FRMPD2: variants seen among roughly 807,000 people sequenced by gnomAD.
FRMPD2 encodes FERM and PDZ domain containing 2.
A neutral mutation model predicts 140.1 loss-of-function variants in FRMPD2; 96 were observed. That is an observed-to-expected ratio of 0.69 (90% CI 0.58 to 0.81). The LOEUF (loss-of-function observed/expected upper bound fraction) is 0.81. Among genes scored for constraint, FRMPD2 ranks in the 40% least tolerant of loss-of-function variants. The pLI is 0.00. For synonymous variants in FRMPD2, 449 were observed against 547.6 expected, an observed-to-expected ratio of 0.82 and a Z score of 2.52; for missense variants, 1,240 against 1,447.4, an observed-to-expected ratio of 0.86 and a Z score of 2.32.
chr10:48,172,637 C>G (rs1322176557), intron 25 of FRMPD2, among the ~76,000 whole-genome samples: 1 of 151,150 alleles, frequency 6.6e-6, no homozygotes, highest in Non-Finnish European at 1.5e-5. Context: ...GTGTATGACC[C>G]TTTCAGTCAA....
chr10:48,253,880 G>T (rs572339197), intron 1 of FRMPD2, among the ~76,000 whole-genome samples: 10 of 152,220 alleles, frequency 6.6e-5, no homozygotes, highest in Admixed American at 5.2e-4. Context: ...TCCAACATCT[G>T]GAAAAGCACA....
chr10:48,229,691 A>C (rs1472212276), intron 10 of FRMPD2, among the ~76,000 whole-genome samples: 1 of 152,178 alleles, frequency 6.6e-6, no homozygotes, highest in Admixed American at 6.5e-5. Context: ...TATTATGTTA[A>C]AATGATATAT....
intron 6 of FRMPD2, 24 bp from the exon 7 acceptor site, chr10:48,239,716 G>A: frequency 1.3e-6 from 2 of 1,580,960 alleles, no homozygotes; most frequent in Non-Finnish European, 1.7e-6. Context: ...ATGGTAGAGG[G>A]TATGGGCAGA....
chr10:48,242,206 G>A lies in FRMPD2; in HGVS notation c.522C>T (p.Leu174=). The change falls in exon 5 of 29, where the codon CTC becomes CTT. Residue 174 remains leucine (L), a synonymous_variant. Coordinates refer to ENST00000374201, the MANE Select transcript of FRMPD2 (RefSeq NM_001018071.4). ...EVSVYPAPAG[L]HIRRLVGLVL... ...CCAAGCCAACCAGCCTTCTGATGTG[G>A]AGACCAGCAGGGGCTGGGTAGACAG... 1.2e-6 allele frequency: 2 copies of A among 1,614,162 alleles called. No individual in the cohort carries two copies. The highest frequency in any genetic ancestry group is 1.7e-6 in the Non-Finnish European group (2 of 1,179,980).
Position 48,184,790 on chromosome 10 carries a change from T to C in FRMPD2, c.2451A>G (p.Ala817=), listed in dbSNP as rs1838639069. 1.2e-6 allele frequency: 2 copies of C among 1,613,420 alleles called. No individual in the cohort carries two copies. Among genetic ancestry groups the C allele is most frequent in the Admixed American group, 3.3e-5 (2 of 59,968 alleles). The part of the protein sequence containing the change: ...SIIPGGPAEK[A]KTIKPGGQIL... ...AAGATGTACCTGGTTTGATCGTTTT[T>C]GCTTTTTCTGCTGGTCCTCCAGGTA... Residue 817 remains alanine (A), a synonymous_variant, in exon 19 of 29, where the codon GCA becomes GCG. Transcript: ENST00000374201.
rs149962060 is a variant in FRMPD2 at position 48,238,087 on chromosome 10, C to T, written c.825G>A (p.Ala275=). The stretch of plus-strand genomic sequence containing the variant: ...CAGATCCAGAGCTGAGCCTCCGGCC[C>T]GCCTGCTGGTCCTGGGGATCTGCTC... ...LPGADPQDQQ[A]GRRLSSGSVH... is the part of the protein sequence containing the mutation. The change falls in exon 8 of 29, where the codon GCG becomes GCA. Residue 275 remains alanine, a synonymous_variant. Coordinates refer to ENST00000374201, the MANE Select transcript of FRMPD2 (RefSeq NM_001018071.4). 36 of 1,613,334 alleles carry T rather than the reference C, an allele frequency of 2.2e-5. No homozygotes were observed. The highest frequency in any genetic ancestry group is 6.7e-5 in the Admixed American group (4 of 60,024).
intron 18 of FRMPD2, among the ~76,000 whole-genome samples, chr10:48,185,274 G>A (rs978808012): frequency 2.0e-5 from 3 of 152,132 alleles, no homozygotes; most frequent in Admixed American, 1.3e-4. Flanking sequence ...CTTCCCCATA[G>A]CTGACTAGAG....
chr10:48,258,174 A>G lies in FRMPD2; in HGVS notation c.26-6483T>C, dbSNP rs1176168243. Among the ~76,000 whole-genome samples the G allele has an allele frequency of 2.6e-5, 4 of 152,348 alleles. No homozygotes were observed. In the South Asian group the frequency reaches 8.3e-4, roughly 32 times the overall value. ...TATTAAAAACCATCTGCCCACAGTC[A>G]GAACCAGAGATCTGAACAAAACTTG... On this transcript the variant is annotated intron_variant, in intron 1 of 28. Coordinates refer to ENST00000374201, the MANE Select transcript of FRMPD2 (RefSeq NM_001018071.4).
At position 48,237,999 on chromosome 10, in the gene FRMPD2, T is replaced by C. The variant is rs1342314116; in HGVS notation, c.913A>G (p.Arg305Gly). 1 of 1,614,192 alleles carries C rather than the reference T, an allele frequency of 6.2e-7. No homozygotes were observed. The highest frequency in any genetic ancestry group is 1.7e-5 in the Admixed American group (1 of 60,028). The change falls in exon 8 of 29, where the codon AGG becomes GGG. Residue 305 changes from arginine (R) to glycine (G), a missense_variant. Transcript: ENST00000374201. Reference protein sequence around the residue: ...TPSQRGFLQRRSKFSRPEFIL... With the variant: ...TPSQRGFLQRGSKFSRPEFIL... ...AGCCTTATTTTGCTTACCTTGCTCC[T>C]TCTTTGCAGAAAACCCCTCTGAGAA... is the stretch of plus-strand genomic sequence containing the variant.
chr10:48,199,288 A>AC (rs1554794323), intron 15 of FRMPD2, among the ~76,000 whole-genome samples: 17 of 151,314 alleles, frequency 1.1e-4, no homozygotes, highest in African/African-American at 3.2e-4. Context: ...AAAAAAAAAA[A>AC]CCCTACTCTA....
intron 1 of FRMPD2, among the ~76,000 whole-genome samples, chr10:48,272,045 T>C (rs1308225327): frequency 6.6e-6 from 1 of 152,246 alleles, no homozygotes; most frequent in Non-Finnish European, 1.5e-5. Flanking sequence ...CTAATGGAGC[T>C]GCAGGTAGCA....
At chr10:48,270,232 C>T (rs1338635344) in intron 1 of FRMPD2, among the ~76,000 whole-genome samples, 1 of 152,150 alleles carries the variant, frequency 6.6e-6, no homozygotes, top group East Asian at 1.9e-4. Flanking sequence ...ATTTTCATCC[C>T]TCAAGTGGGC....
intron 15 of FRMPD2, among the ~76,000 whole-genome samples, chr10:48,195,114 G>C (rs1838921634): frequency 6.6e-6 from 1 of 152,184 alleles, no homozygotes. Flanking sequence ...AGGGCCACAA[G>C]GAAAAGACAC....
intron 20 of FRMPD2, among the ~76,000 whole-genome samples, chr10:48,183,645 G>A (rs888613624): frequency 6.6e-6 from 1 of 151,908 alleles, no homozygotes; most frequent in Non-Finnish European, 1.5e-5. Context: ...GAGTTCAGGA[G>A]TTCCAGACCA....
chr10:48,212,919 G>A (rs977879130), intron 12 of FRMPD2, among the ~76,000 whole-genome samples: 2 of 152,212 alleles, frequency 1.3e-5, no homozygotes, highest in Non-Finnish European at 2.9e-5. Context: ...GCAGGATCAG[G>A]CAGAGGGAGA....
chr10:48,265,086 C>A lies in FRMPD2; in HGVS notation c.25+9457G>T, dbSNP rs539178650. ...ACACCTACAACTATCTGATCTTCAACAAAGCTGACAAAAACAAGCAATGAG... is the reference window on the plus strand; with the variant it reads ...ACACCTACAACTATCTGATCTTCAAAAAAGCTGACAAAAACAAGCAATGAG... On this transcript the variant is annotated intron_variant, in intron 1 of 28. Transcript: ENST00000374201. Among the ~76,000 whole-genome samples the A allele has an allele frequency of 4.4e-4, 67 of 152,252 alleles. 1 individual carries two copies. Among genetic ancestry groups the A allele is most frequent in the African/African-American group, 1.6e-3 (66 of 41,554 alleles).
intron 1 of FRMPD2, among the ~76,000 whole-genome samples, chr10:48,268,194 A>G (rs1375593411): frequency 2.0e-5 from 3 of 152,174 alleles, no homozygotes. Context: ...ATCCCTCCCC[A>G]CCTATATGAC....
chr10:48,228,080 T>G (rs1430676609), intron 10 of FRMPD2, among the ~76,000 whole-genome samples: 1 of 151,874 alleles, frequency 6.6e-6, no homozygotes, highest in Non-Finnish European at 1.5e-5. Context: ...AAAAAGAGAG[T>G]TAAAAAAAGC....
chr10:48,205,135 C>T lies in FRMPD2; in HGVS notation c.1797+1613G>A, dbSNP rs572788891. Among the ~76,000 whole-genome samples the T allele has an allele frequency of 6.6e-5, 10 of 152,276 alleles. No individual in the cohort carries two copies. In the South Asian group the frequency reaches 1.0e-3, roughly 16 times the overall value. On this transcript the variant is annotated intron_variant, in intron 14 of 28. Transcript: ENST00000374201. The stretch of plus-strand genomic sequence containing the variant: ...CATAAAGAGTTCAAGTCATTTTCTG[C>T]GTAAGATGCTTGGTTTGCAGCAAAC...
Sources: gnomAD v4.1 joint callset for allele counts (sites outside exome capture counted in the v4.1 genomes callset) on GRCh38, gnomAD v4.1.1 for gene constraint, MANE v1.5 for transcripts, NCBI Gene and HGNC (gene_info 2026-07-23, HGNC 2026-07-21) for gene names.